Variants in PKD1 observed in about 807,000 individuals in gnomAD.
The protein encoded by PKD1 is polycystin-1.
Under a neutral mutation model 361.7 loss-of-function variants are expected in PKD1, and 81 were observed. The observed-to-expected ratio is 0.22, with a 90% CI of 0.19 to 0.27. PKD1 has a LOEUF of 0.27. Ranked by LOEUF, PKD1 falls within the 10% of genes least tolerant of loss-of-function variation. The probability of loss-of-function intolerance (pLI) is 1.00; values close to 1 mark genes in which losing one functional copy is unlikely to be tolerated. For synonymous variants in PKD1, 3,615 were observed against 2,818.3 expected, an observed-to-expected ratio of 1.28 and a Z score of -8.95; for missense variants, 6,399 against 6,118.3, an observed-to-expected ratio of 1.05 and a Z score of -1.53.
In PKD1 at chr16:2,092,070, G is replaced by A. The variant is rs149331148; in HGVS notation, c.11388C>T (p.Ala3796=). 6.2e-7 allele frequency: 1 copy of A among 1,612,662 alleles called. No homozygotes were observed. Among genetic ancestry groups the A allele is most frequent in the African/African-American group, 1.3e-5 (1 of 74,942 alleles). ...ACCCCAGCAGATCCGGCGCTGAATA[G>A]GCCCACGTCCCCGAGCCATTGTGAG... ...ESPHNGSGTW[A]YSAPDLLGAW... is the part of the protein sequence containing the mutation. The change falls in exon 40 of 46, where the codon GCC becomes GCT. Residue 3796 remains alanine, a synonymous_variant. Coordinates refer to ENST00000262304, the MANE Select transcript of PKD1 (RefSeq NM_001009944.3).
chr16:2,130,274 T>G (rs1406991602), intron 1 of PKD1, among the ~76,000 whole-genome samples: 1 of 152,076 alleles, frequency 6.6e-6, no homozygotes, highest in African/African-American at 2.4e-5. Flanking sequence ...CTGCCAGGGC[T>G]CTTCCTAGAA....
chr16:2,097,846 G>A, intron 31 of PKD1, 22 bp downstream of exon 31: 2 of 1,608,548 alleles, frequency 1.2e-6, no homozygotes, highest in Non-Finnish European at 1.7e-6. Flanking sequence ...GCCCAGCCCA[G>A]GACCCCCAGT....
chr16:2,130,402 A>G (rs1009330928), intron 1 of PKD1, among the ~76,000 whole-genome samples: 5 of 152,156 alleles, frequency 3.3e-5, no homozygotes, highest in Non-Finnish European at 5.9e-5. Flanking sequence ...CCTGGCTTCA[A>G]TGTCACCTGC....
chr16:2,093,745 A>G lies in PKD1; in HGVS notation c.10822-7T>C. 6.3e-7 allele frequency: 1 copy of G among 1,576,722 alleles called. No individual in the cohort carries two copies. The highest frequency in any genetic ancestry group is 8.6e-7 in the Non-Finnish European group (1 of 1,160,888). On this transcript the variant is annotated splice_polypyrimidine_tract_variant and splice_region_variant and intron_variant, in intron 36 of 45. Coordinates refer to ENST00000262304, the MANE Select transcript of PKD1 (RefSeq NM_001009944.3). ...ACAGGGCTTCCAGCAAGACCTGGGG[A>G]GGGGGTGGCTTCAGAGGGGTCCCCC...
rs776633625 is a variant in PKD1, at chr16:2,100,150, T to C, written c.9712+16A>G. 6.2e-6 allele frequency: 10 copies of C among 1,606,268 alleles called. No individual in the cohort carries two copies. Among genetic ancestry groups the C allele is most frequent in the Non-Finnish European group, 8.5e-6 (10 of 1,176,232 alleles). On this transcript the variant is annotated intron_variant, in intron 28 of 45. Transcript: ENST00000262304. This position sits in a 1 kb window ranked among gnomAD's most constrained non-coding sequence, Gnocchi z 4.4. ...CCCAACCTCCCACGGAGTGGGAACA[T>C]GGAACGAGGCCTTACTCGCGGCCAG...
intron 34 of PKD1, among the ~76,000 whole-genome samples, chr16:2,094,427 C>G (rs541426754): frequency 6.6e-6 from 1 of 152,300 alleles, no homozygotes; most frequent in Middle Eastern, 3.4e-3. Context: ...CGTCCGCCTG[C>G]GTCCCTCTCC....
chr16:2,113,003 G>A (rs373588068), intron 12 of PKD1, 40 bp from the exon 13 acceptor site: 141 of 1,571,368 alleles, frequency 9.0e-5, no homozygotes, highest in Non-Finnish European at 1.1e-4. Context: ...TGGCAGGTGA[G>A]AGGCCTGGCC....
chr16:2,090,802 G>C lies in PKD1; in HGVS notation c.12010C>G (p.Gln4004Glu), dbSNP rs766551411. The change falls in exon 44 of 46, where the codon CAG becomes GAG. Residue 4004 changes from glutamine (Q) to glutamate (E), a missense_variant. Coordinates refer to ENST00000262304, the MANE Select transcript of PKD1 (RefSeq NM_001009944.3). ...CACTGGCGCACGAAGCGTAGCTGCT[G>C]GGCAGCCTGCGGACGAGAAATCTGT... Reference protein sequence around the residue: ...LLFLLLVKAAQQLRFVRQWSV... With the variant: ...LLFLLLVKAAEQLRFVRQWSV... The C allele has an allele frequency of 1.2e-6, 2 of 1,612,464 alleles. No homozygotes were observed. Among genetic ancestry groups the C allele is most frequent in the African/African-American group, 1.3e-5 (1 of 75,062 alleles).
chr16:2,122,585 A>T (rs1383466958), intron 1 of PKD1, among the ~76,000 whole-genome samples: 1 of 152,222 alleles, frequency 6.6e-6, no homozygotes, highest in African/African-American at 2.4e-5. Context: ...CTGGGAGACC[A>T]GCAAGAGGCC....
At position 2,090,754 on chromosome 16, in the gene PKD1, A is replaced by G. The variant is rs1178911242; in HGVS notation, c.12058T>C (p.Cys4020Arg). Residue 4020 changes from cysteine to arginine, a missense_variant, in exon 44 of 46, where the codon TGC (cysteine) becomes CGC (arginine). By Grantham distance (180) the Cys-to-Arg change is radical. Transcript: ENST00000262304. Reference protein sequence around the residue: ...RQWSVFGKTLCRALPELLGVT... With the variant: ...RQWSVFGKTLRRALPELLGVT... Reference sequence around the variant, plus strand: ...CCCAGGAGCTCTGGCAGAGCTCGGCATAATGTCTTGCCAAAGACGGACCAC... The same window carrying G: ...CCCAGGAGCTCTGGCAGAGCTCGGCGTAATGTCTTGCCAAAGACGGACCAC... 3.7e-6 allele frequency: 6 copies of G among 1,612,622 alleles called. No individual in the cohort carries two copies. The highest frequency in any genetic ancestry group is 3.3e-5 in the Admixed American group (2 of 60,028).
chr16:2,101,088 C>A (rs1328443341), intron 26 of PKD1, among the ~76,000 whole-genome samples: 2 of 152,078 alleles, frequency 1.3e-5, no homozygotes, highest in Admixed American at 1.3e-4. Flanking sequence ...CGGGTTCACG[C>A]CATTCTCCTG....
chr16:2,096,019 C>T (rs1237330402), intron 34 of PKD1, among the ~76,000 whole-genome samples: 1 of 152,198 alleles, frequency 6.6e-6, no homozygotes, highest in Non-Finnish European at 1.5e-5. Context: ...AGTCCAGGGG[C>T]AGTTCATACC....
rs2091353873 is a variant in PKD1 at position 2,089,533 on chromosome 16, G to A, written c.*194C>T. 1 of 647,552 alleles carries A rather than the reference G, an allele frequency of 1.5e-6. No individual in the cohort carries two copies. Among genetic ancestry groups the A allele is most frequent in the Non-Finnish European group, 2.7e-6 (1 of 372,820 alleles). 40.1% of individuals were successfully genotyped at this position (647,552 alleles called of 1,614,324 possible). A position where few individuals can be genotyped will look rare whatever the true frequency, so the allele number is the denominator to read the frequency against. On this transcript the variant is annotated 3_prime_UTR_variant, in exon 46 of 46. Coordinates refer to ENST00000262304, the MANE Select transcript of PKD1 (RefSeq NM_001009944.3). Reference sequence around the variant, plus strand: ...TGTCCTTCCCAAGGGAGCTGGGGAGGGGACCCTGGGTCCTGGTTGGCCACA... The same window carrying A: ...TGTCCTTCCCAAGGGAGCTGGGGAGAGGACCCTGGGTCCTGGTTGGCCACA...
rs2091283176 is a variant in PKD1 at position 2,088,898 on chromosome 16, C to CACACACACAG, written c.*828_*829insCTGTGTGTGT. 2.3e-6 allele frequency: 1 copy of CACACACACAG among 431,472 alleles called. No individual in the cohort carries two copies. Among genetic ancestry groups the CACACACACAG allele is most frequent in the African/African-American group, 2.0e-5 (1 of 49,824 alleles). 26.7% of individuals were successfully genotyped at this position (431,472 alleles called of 1,614,324 possible). On this transcript the variant is annotated 3_prime_UTR_variant, in exon 46 of 46. Coordinates refer to ENST00000262304, the MANE Select transcript of PKD1 (RefSeq NM_001009944.3). The stretch of plus-strand genomic sequence containing the variant: ...GCGCGCGCGCACACACACACACACA[C>CACACACACAG]AGTCACCTTCCTCCACCCTGGGAGC...
chr16:2,108,168 G>A, intron 15 of PKD1, 84 bp downstream of exon 15: 1 of 1,480,480 alleles, frequency 6.8e-7, no homozygotes, highest in Non-Finnish European at 9.3e-7. Flanking sequence ...GGACGGGCCA[G>A]CCCTGGTGGC....
In PKD1 at chr16:2,090,413, G is replaced by C. The variant is rs765313088; in HGVS notation, c.12316C>G (p.Leu4106Val). ...WGALRLGAVI[L>V]RWRYHALRGE... ...CGCAAGGCGTGGTAGCGCCAGCGGA[G>C]AATAACAGCCCCCAGCCGTAGGGCG... Residue 4106 changes from leucine to valine, a missense_variant, in exon 45 of 46, where the codon CTC becomes GTC. Physicochemically the swap from Leu to Val is conservative, Grantham distance 32. Coordinates refer to ENST00000262304, the MANE Select transcript of PKD1 (RefSeq NM_001009944.3). The C allele has an allele frequency of 5.6e-6, 9 of 1,612,608 alleles. No individual in the cohort carries two copies. In the Admixed American group the frequency reaches 6.7e-5, roughly 12 times the overall value.
In PKD1 at chr16:2,110,238, G is replaced by C. The variant is rs752948922; in HGVS notation, c.4929C>G (p.Tyr1643Ter). 6.2e-7 allele frequency: 1 copy of C among 1,612,090 alleles called. No individual in the cohort carries two copies. Among genetic ancestry groups the C allele is most frequent in the Non-Finnish European group, 8.5e-7 (1 of 1,179,710 alleles). Residue 1643 changes from tyrosine to a stop codon, truncating the protein, a stop_gained, in exon 15 of 46, where the codon TAC becomes TAG. Coordinates refer to ENST00000262304, the MANE Select transcript of PKD1 (RefSeq NM_001009944.3). LOFTEE classifies it high-confidence loss of function. ...GCTGTACCGTGTGGTTGGTGGGGAA[G>C]TAGCGGCCACCGCCCACCACCTGCA... Reference protein sequence around the residue: ...EGLQVVGGGRYFPTNHTVQLQ... With the variant: ...EGLQVVGGGR
chr16:2,090,895 G>C lies in PKD1; in HGVS notation c.11992C>G (p.Leu3998Val). ...RGLAASLLFL[L>V]LVKAAQQLRF... Reference sequence around the variant, plus strand: ...GGCCCAGCCCTCACCTTGACCAAAAGCAGGAAGAGCAGCGAGGCCGCCAGG... The same window carrying C: ...GGCCCAGCCCTCACCTTGACCAAAACCAGGAAGAGCAGCGAGGCCGCCAGG... The change falls in exon 43 of 46, where the codon CTT (leucine) becomes GTT (valine). Residue 3998 changes from leucine (L) to valine (V), a missense_variant. By Grantham distance (32) the Leu-to-Val change is conservative. Coordinates refer to ENST00000262304, the MANE Select transcript of PKD1 (RefSeq NM_001009944.3). 1 of 1,600,406 alleles carries C rather than the reference G, an allele frequency of 6.2e-7. No individual in the cohort carries two copies.
Position 2,106,038 on chromosome 16 carries a change from G to A in PKD1, c.7704-14C>T, listed in dbSNP as rs769894398. 9 of 1,607,052 alleles carry A rather than the reference G, an allele frequency of 5.6e-6. No individual in the cohort carries two copies. The highest frequency in any genetic ancestry group is 1.7e-5 in the Admixed American group (1 of 59,964). On this transcript the variant is annotated splice_polypyrimidine_tract_variant and intron_variant, in intron 19 of 45. Coordinates refer to ENST00000262304, the MANE Select transcript of PKD1 (RefSeq NM_001009944.3). The surrounding 1 kb of genome is among the most constrained non-coding windows in gnomAD (Gnocchi z 6.5). ...ATGGCCAAAGACCTACGAGCAGAGG[G>A]GGGTGGTGAGCAGGTGGCAGTCTCG...
Sources: gnomAD v4.1 joint callset for allele counts (sites outside exome capture counted in the v4.1 genomes callset) on GRCh38, gnomAD v4.1.1 for gene constraint, Gnocchi (gnomAD v3.1) non-coding constraint, MANE v1.5 for transcripts, NCBI Gene and HGNC (gene_info 2026-07-23, HGNC 2026-07-21) for gene names.